Variants in CACNA1C observed in about 807,000 individuals in gnomAD.
CACNA1C encodes the protein voltage-dependent L-type calcium channel subunit alpha-1C.
A neutral mutation model predicts 229.0 loss-of-function variants in CACNA1C; 30 were observed. The ratio of observed to expected loss-of-function variants is 0.13; its 90% CI spans 0.10 to 0.18. CACNA1C has a LOEUF of 0.18. Among genes scored for constraint, CACNA1C ranks in the 10% least tolerant of loss-of-function variants. The probability of loss-of-function intolerance (pLI) is 1.00; values close to 1 mark genes in which losing one functional copy is unlikely to be tolerated. For synonymous variants in CACNA1C, 1,114 were observed against 1,132.5 expected (o/e 0.98, Z 0.33); for missense variants, 1,658 against 2,845.0 (o/e 0.58, Z 9.49).
rs577981725 is a variant in CACNA1C at position 2,108,697 on chromosome 12, C to A, written c.50-6527C>A. Among the ~76,000 whole-genome samples, 5 of 152,310 alleles carry A rather than the reference C, an allele frequency of 3.3e-5. No homozygotes were observed. The highest frequency in any genetic ancestry group is 1.2e-4 in the African/African-American group (5 of 41,558). On this transcript the variant is annotated intron_variant, in intron 1 of 46. Coordinates refer to ENST00000399655, the MANE Select transcript of CACNA1C (RefSeq NM_000719.7). This position sits in a 1 kb window ranked among gnomAD's most constrained non-coding sequence, Gnocchi z 5.3. Reference sequence around the variant, plus strand: ...CACACCATCCTTCCAGAGAGGAGTGCCACTGGGGTTGAGATGACAGGGCCT... The same window carrying A: ...CACACCATCCTTCCAGAGAGGAGTGACACTGGGGTTGAGATGACAGGGCCT...
intron 1 of CACNA1C, among the ~76,000 whole-genome samples, chr12:2,111,631 G>A (rs1296918729): frequency 6.6e-6 from 1 of 152,118 alleles, no homozygotes; most frequent in African/African-American, 2.4e-5. Context: ...CCAACAGTTG[G>A]GGACAGGGCA....
intron 3 of CACNA1C, among the ~76,000 whole-genome samples, chr12:2,242,845 A>G (rs557139680): frequency 7.8e-4 from 119 of 152,226 alleles, no homozygotes; most frequent in Non-Finnish European, 1.6e-3. Context: ...AAGTGCTTTC[A>G]TATGCGTGAT....
upstream of CACNA1C, chr12:1,970,842 T>A (rs10774009): frequency 3.5e-6 from 1 of 283,288 alleles, no homozygotes; most frequent in Non-Finnish European, 7.0e-6. Context: ...AAGAATCAAG[T>A]AAGAAGGTGT....
At chr12:2,449,855 G>C (rs1441798915) in intron 4 of CACNA1C, among the ~76,000 whole-genome samples, 2 of 152,220 alleles carry the variant, frequency 1.3e-5, no homozygotes, top group Non-Finnish European at 2.9e-5. Flanking sequence ...TGAGCATGCA[G>C]TCTGCAGGTG....
At chr12:1,987,956 T>G (rs1047039503) in intron 1 of CACNA1C, among the ~76,000 whole-genome samples, 1 of 152,234 alleles carries the variant, frequency 6.6e-6, no homozygotes, top group Non-Finnish European at 1.5e-5. Flanking sequence ...TCCCAATAGA[T>G]TCAAACTATC....
chr12:2,461,540 C>T (rs1015675652), intron 5 of CACNA1C, among the ~76,000 whole-genome samples: 1 of 152,114 alleles, frequency 6.6e-6, no homozygotes, highest in African/African-American at 2.4e-5. Context: ...GTCACCAGCC[C>T]AGACCTTTTT....
chr12:2,150,077 T>C (rs2095101920), intron 3 of CACNA1C, among the ~76,000 whole-genome samples: 1 of 152,152 alleles, frequency 6.6e-6, no homozygotes, highest in African/African-American at 2.4e-5. Context: ...GCTCATGGAA[T>C]CTGGGCAGCA....
At chr12:2,073,907 G>A (rs1413974260) in intron 1 of CACNA1C, among the ~76,000 whole-genome samples, 1 of 151,862 alleles carries the variant, frequency 6.6e-6, no homozygotes, top group Non-Finnish European at 1.5e-5. Context: ...GCCACCTGGA[G>A]TGCTCTGTTG....
intron 1 of CACNA1C, among the ~76,000 whole-genome samples, chr12:2,062,406 A>C (rs1181108211): frequency 2.6e-5 from 4 of 152,254 alleles, no homozygotes; most frequent in Non-Finnish European, 5.9e-5. Flanking sequence ...GGGGCTGGGA[A>C]TTAAATTCAG....
rs573906794 is a variant in CACNA1C, at chr12:2,595,925, G to T, written c.2715G>T (p.Leu905=). 3 of 1,613,668 alleles carry T rather than the reference G, an allele frequency of 1.9e-6. No individual in the cohort carries two copies. The change falls in exon 20 of 47, where the codon CTG becomes CTT. Residue 905 remains leucine (L), a synonymous_variant. Transcript: ENST00000399655. The surrounding 1 kb of genome is among the most constrained non-coding windows in gnomAD (Gnocchi z 4.1). ...TCAATGACACGATCTTCACCAACCT[G>T]ATCCTCTTCTTCATTCTGCTCAGCA... ...RIVNDTIFTN[L]ILFFILLSSI... is the part of the protein sequence containing the mutation.
At chr12:2,003,451 AT>A (rs1172361980) in intron 1 of CACNA1C, among the ~76,000 whole-genome samples, 49 of 152,266 alleles carry the variant, frequency 3.2e-4, no homozygotes, top group African/African-American at 1.2e-3. Flanking sequence ...GACAAAACTC[AT>A]TATGAGTAAA....
chr12:2,360,369 G>T (rs1005950138), intron 3 of CACNA1C, among the ~76,000 whole-genome samples: 1 of 152,172 alleles, frequency 6.6e-6, no homozygotes, highest in Non-Finnish European at 1.5e-5. Flanking sequence ...TGCCCTGGTG[G>T]CTCCGTCCAG....
intron 13 of CACNA1C, among the ~76,000 whole-genome samples, chr12:2,581,190 G>T (rs1488741027): frequency 1.3e-5 from 2 of 152,186 alleles, no homozygotes; most frequent in African/African-American, 4.8e-5. Context: ...CTCTACAGGG[G>T]GCTCTTTGGG....
intron 3 of CACNA1C, among the ~76,000 whole-genome samples, chr12:2,291,801 CT>C (rs2093546960): frequency 1.3e-5 from 2 of 152,186 alleles, no homozygotes; most frequent in African/African-American, 2.4e-5. Context: ...TTAACGTCAC[CT>C]CTGTTTACTA....
intron 1 of CACNA1C, among the ~76,000 whole-genome samples, chr12:1,978,602 A>G (rs1175559591): frequency 6.6e-6 from 1 of 152,180 alleles, no homozygotes; most frequent in East Asian, 1.9e-4. Context: ...TGGCAATAAA[A>G]CACTCTTATG....
intron 42 of CACNA1C, chr12:2,681,847 G>T (rs1378558382): frequency 1.3e-6 from 1 of 746,816 alleles, no homozygotes; most frequent in Non-Finnish European, 2.4e-6. Flanking sequence ...AGCATGCAAG[G>T]TCTATAGAAA....
At chr12:2,184,137 T>C (rs1218517202) in intron 3 of CACNA1C, among the ~76,000 whole-genome samples, 1 of 152,214 alleles carries the variant, frequency 6.6e-6, no homozygotes, top group Non-Finnish European at 1.5e-5. Flanking sequence ...GCACCAGAGC[T>C]GGGGCTGCGG....
chr12:2,426,915 G>A (rs1039567082), intron 3 of CACNA1C, among the ~76,000 whole-genome samples: 1 of 152,174 alleles, frequency 6.6e-6, no homozygotes, highest in African/African-American at 2.4e-5. Context: ...CGTGGCCTAC[G>A]CTTAGCTGTT....
intron 4 of CACNA1C, among the ~76,000 whole-genome samples, chr12:2,452,058 T>C (rs1388060596): frequency 6.6e-6 from 1 of 152,160 alleles, no homozygotes; most frequent in African/African-American, 2.4e-5. Flanking sequence ...CTGTGTCTCT[T>C]GGAAAATATC....
Sources: allele counts gnomAD v4.1 joint callset (sites outside exome capture counted in the v4.1 genomes callset), GRCh38; gene constraint gnomAD v4.1.1; non-coding constraint Gnocchi (gnomAD v3.1); transcripts MANE v1.5; gene names NCBI Gene and HGNC (gene_info 2026-07-23, HGNC 2026-07-21).